MEF2A: variants seen among roughly 807,000 people sequenced by gnomAD.
MEF2A encodes myocyte enhancer factor 2A.
A neutral mutation model predicts 55.8 loss-of-function variants in MEF2A; 28 were observed. The observed-to-expected ratio is 0.50, with a 90% confidence interval of 0.37 to 0.69. MEF2A has a LOEUF of 0.69. Among genes scored for constraint, MEF2A ranks in the 30% least tolerant of loss-of-function variants. The pLI is 0.00. For missense variants in MEF2A, 528 were observed against 626.2 expected, an observed-to-expected ratio of 0.84 and a Z score of 1.67; for synonymous variants, 239 against 227.1, an observed-to-expected ratio of 1.05 and a Z score of -0.47.
intron 3 of MEF2A, among the ~76,000 whole-genome samples, chr15:99,643,105 AAAGTT>A (rs1236189224): frequency 8.5e-5 from 13 of 152,236 alleles, no homozygotes; most frequent in African/African-American, 2.9e-4. Context: ...TTAGAATAAT[AAAGTT>A]GAGTCTTGAG....
At chr15:99,580,031 G>A (rs1227938977) in intron 1 of MEF2A, among the ~76,000 whole-genome samples, 2 of 152,074 alleles carry the variant, frequency 1.3e-5, no homozygotes, top group African/African-American at 2.4e-5. Flanking sequence ...TGTAGTCTGT[G>A]TTCTAATCTC....
rs1039670583 is a variant in MEF2A at position 99,658,741 on chromosome 15, A to G, written c.259-12582A>G. On this transcript the variant is annotated intron_variant, in intron 4 of 11. Coordinates refer to ENST00000557942, the MANE Select transcript of MEF2A (RefSeq NM_001319206.4). ...AATGAAATCTGGAGTCAATGAAATG[A>G]TATCCTAAGTGTGCTGTTTAGGAAG... is the stretch of plus-strand genomic sequence containing the variant. Among the ~76,000 whole-genome samples, 52 of 152,240 alleles carry G rather than the reference A, an allele frequency of 3.4e-4. 1 individual carries two copies. The highest frequency in any genetic ancestry group is 2.9e-5 in the Non-Finnish European group (2 of 68,044).
intron 1 of MEF2A, among the ~76,000 whole-genome samples, chr15:99,575,943 C>G (rs1174744071): frequency 6.6e-6 from 1 of 152,216 alleles, no homozygotes; most frequent in African/African-American, 2.4e-5. Flanking sequence ...AACTTCTTCA[C>G]ATTAACTCAT....
chr15:99,597,150 C>G (rs1004508247), intron 1 of MEF2A, among the ~76,000 whole-genome samples: 3 of 152,170 alleles, frequency 2.0e-5, no homozygotes, highest in Admixed American at 2.0e-4. Context: ...TAAACTCTGA[C>G]TGCCGGTGAG....
intron 3 of MEF2A, among the ~76,000 whole-genome samples, chr15:99,644,048 T>A (rs2045520575): frequency 1.3e-5 from 2 of 152,238 alleles, no homozygotes; most frequent in Admixed American, 6.5e-5. Context: ...TTAAAGAACC[T>A]TCTCAACTCT....
chr15:99,702,425 G>A (rs375141736), intron 8 of MEF2A, among the ~76,000 whole-genome samples: 2 of 133,938 alleles, frequency 1.5e-5, no homozygotes, highest in South Asian at 2.5e-4. Context: ...GAGCAAAAAT[G>A]TTTCTTTTTT....
rs187517288 is a variant in MEF2A, at chr15:99,590,502, T to C, written c.-224-7928T>C. ...TATATATTTACTGTAATTATTGATA[T>C]AGTTAGATTTAAGTGTACCATCTTG... On this transcript the variant is annotated intron_variant, in intron 1 of 11. Transcript: ENST00000557942. Among the ~76,000 whole-genome samples, 516 of 150,822 alleles carry C rather than the reference T, an allele frequency of 3.4e-3. 3 individuals carry two copies. The highest frequency in any genetic ancestry group is 0.011 in the African/African-American group (470 of 41,008).
chr15:99,577,266 A>G lies in MEF2A; in HGVS notation c.-225+11162A>G, dbSNP rs565724232. Among the ~76,000 whole-genome samples, 148 of 152,350 alleles carry G rather than the reference A, an allele frequency of 9.7e-4. 2 individuals are homozygous for G. Among genetic ancestry groups the G allele is most frequent in the African/African-American group, 3.3e-3 (139 of 41,582 alleles). Reference sequence around the variant, plus strand: ...TATTGAGTTCAAATTCTTTGTAACTATTGTGTTACTTTGGCTTATATATTT... The same window carrying G: ...TATTGAGTTCAAATTCTTTGTAACTGTTGTGTTACTTTGGCTTATATATTT... On this transcript the variant is annotated intron_variant, in intron 1 of 11. Transcript: ENST00000557942.
At chr15:99,641,672 G>A (rs1432269191) in intron 3 of MEF2A, among the ~76,000 whole-genome samples, 1 of 151,918 alleles carries the variant, frequency 6.6e-6, no homozygotes, top group Admixed American at 6.5e-5. Context: ...GCAGTGAGTC[G>A]AGATCGTGCC....
In MEF2A at chr15:99,645,603, T is replaced by C; in HGVS notation, c.97T>C (p.Tyr33His). The C allele has an allele frequency of 6.2e-7, 1 of 1,613,728 alleles. No homozygotes were observed. The highest frequency in any genetic ancestry group is 8.5e-7 in the Non-Finnish European group (1 of 1,179,740). Reference protein sequence around the residue: ...KRKFGLMKKAYELSVLCDCEI... With the variant: ...KRKFGLMKKAHELSVLCDCEI... ...AAAGTTTGGATTAATGAAGAAAGCCTATGAACTTAGTGTGCTCTGTGACTG... is the reference window on the plus strand; with the variant it reads ...AAAGTTTGGATTAATGAAGAAAGCCCATGAACTTAGTGTGCTCTGTGACTG... Residue 33 changes from tyrosine (Y) to histidine (H), a missense_variant, in exon 4 of 12, where the codon TAT becomes CAT. Around this residue, in one of 2 missense-constraint regions of MEF2A, gnomAD observed 78 missense variants for 150.9 expected, o/e 0.52. Coordinates refer to ENST00000557942, the MANE Select transcript of MEF2A (RefSeq NM_001319206.4).
chr15:99,644,957 G>A (rs1442101171), intron 3 of MEF2A, among the ~76,000 whole-genome samples: 1 of 152,152 alleles, frequency 6.6e-6, no homozygotes, highest in Non-Finnish European at 1.5e-5. Context: ...ATCTCTTTTA[G>A]GGCCTTCAGT....
chr15:99,569,693 A>G (rs908002085), intron 1 of MEF2A, among the ~76,000 whole-genome samples: 2 of 152,220 alleles, frequency 1.3e-5, no homozygotes, highest in African/African-American at 4.8e-5. Flanking sequence ...TTAGAAGAAT[A>G]CTTCTGTAAT....
At chr15:99,698,710 T>A (rs974217013) in intron 8 of MEF2A, among the ~76,000 whole-genome samples, 1 of 151,904 alleles carries the variant, frequency 6.6e-6, no homozygotes, top group East Asian at 1.9e-4. Context: ...GAGAATCGCT[T>A]GAACCCAGGA....
At chr15:99,573,014 C>T (rs1413932048) in intron 1 of MEF2A, among the ~76,000 whole-genome samples, 8 of 152,086 alleles carry the variant, frequency 5.3e-5, no homozygotes, top group South Asian at 2.1e-4. Flanking sequence ...ATCGGCCGGG[C>T]GCGGTGGCTC....
chr15:99,641,733 G>T (rs1314098341), intron 3 of MEF2A, among the ~76,000 whole-genome samples: 1 of 151,958 alleles, frequency 6.6e-6, no homozygotes, highest in Non-Finnish European at 1.5e-5. Flanking sequence ...TAAAAAATTT[G>T]TCTTCTCATA....
chr15:99,694,089 A>G (rs2056009985), intron 8 of MEF2A, among the ~76,000 whole-genome samples: 1 of 152,202 alleles, frequency 6.6e-6, no homozygotes, highest in African/African-American at 2.4e-5. Context: ...CCAATCCAGG[A>G]TACCACATTA....
At chr15:99,695,351 A>G (rs1384541884) in intron 8 of MEF2A, among the ~76,000 whole-genome samples, 1 of 152,220 alleles carries the variant, frequency 6.6e-6, no homozygotes, top group Non-Finnish European at 1.5e-5. Context: ...CAACTACAGA[A>G]GAAAATTTTA....
chr15:99,695,740 TC>T (rs1248096313), intron 8 of MEF2A, among the ~76,000 whole-genome samples: 1 of 151,928 alleles, frequency 6.6e-6, no homozygotes, highest in Non-Finnish European at 1.5e-5. Context: ...ACGTCTGTAA[TC>T]CCAGCTACTT....
intron 2 of MEF2A, among the ~76,000 whole-genome samples, chr15:99,606,143 A>C (rs1975032717): frequency 1.3e-5 from 2 of 152,326 alleles, no homozygotes; most frequent in African/African-American, 4.8e-5. Flanking sequence ...CAAAACGCAC[A>C]CTTTAGTAGG....
Sources: allele counts gnomAD v4.1 joint callset (sites outside exome capture counted in the v4.1 genomes callset), GRCh38; gene constraint gnomAD v4.1.1; regional missense constraint gnomAD v4.1.1; transcripts MANE v1.5; gene names NCBI Gene and HGNC (gene_info 2026-07-23, HGNC 2026-07-21).